POMK: variants seen among roughly 807,000 people sequenced by gnomAD.
POMK encodes the protein protein O-mannose kinase.
A neutral mutation model predicts 23.0 loss-of-function variants in POMK; 19 were observed. The observed-to-expected ratio is 0.83, with a 90% CI of 0.58 to 1.21. The LOEUF (loss-of-function observed/expected upper bound fraction) is 1.21, where lower values mean the gene tolerates loss of function less well. Among genes scored for constraint, POMK ranks in the 50% most tolerant of loss-of-function variants. POMK has a pLI of 0.00. For synonymous variants in POMK, 173 were observed against 171.6 expected, an observed-to-expected ratio of 1.01 and a Z score of -0.06; for missense variants, 410 against 431.3, an observed-to-expected ratio of 0.95 and a Z score of 0.44.
chr8:43,115,264 C>A (rs1177481489), intron 4 of POMK, among the ~76,000 whole-genome samples: 1 of 152,164 alleles, frequency 6.6e-6, no homozygotes, highest in East Asian at 1.9e-4. Flanking sequence ...CTCTCGTCTT[C>A]TGTGCTTGTA....
Position 43,122,442 on chromosome 8 carries a change from C to T in POMK, c.618C>T (p.Asn206=), listed in dbSNP as rs7005111. 383 of 1,614,160 alleles carry T rather than the reference C, an allele frequency of 2.4e-4. No homozygotes were observed. The African/African-American group carries it at 4.1e-3, about 17-fold the overall frequency. ...PVGTRVMCDS[N]DLPKTLSQYL... ...GCACACGGGTCATGTGCGACTCCAA[C>T]GACCTGCCGAAGACACTGTCCCAGT... Residue 206 remains asparagine, a synonymous_variant, in exon 5 of 5, where the codon AAC becomes AAT. Transcript: ENST00000331373.
intron 4 of POMK, among the ~76,000 whole-genome samples, chr8:43,106,544 C>G (rs1159282992): frequency 7.7e-6 from 1 of 130,488 alleles, no homozygotes; most frequent in African/African-American, 2.9e-5. Flanking sequence ...GAGTCTTGCT[C>G]TATCGCCCAG....
At position 43,122,113 on chromosome 8, in the gene POMK, C is replaced by T; in HGVS notation, c.289C>T (p.Leu97=). ...VGEGAVKRVF[L]SEWKEHKVAL... Reference sequence around the variant, plus strand: ...CTCTATGGCTTTGTTGCAGGTCTTTCTGTCTGAGTGGAAGGAGCACAAAGT... The same window carrying T: ...CTCTATGGCTTTGTTGCAGGTCTTTTTGTCTGAGTGGAAGGAGCACAAAGT... Residue 97 remains leucine (L), a synonymous_variant, in exon 5 of 5, where the codon CTG becomes TTG. Transcript: ENST00000331373. 1.9e-6 allele frequency: 3 copies of T among 1,613,726 alleles called. No individual in the cohort carries two copies. In the South Asian group the frequency reaches 3.3e-5, roughly 18 times the overall value.
chr8:43,117,609 A>ATT (rs1452113566), intron 4 of POMK, among the ~76,000 whole-genome samples: 1 of 152,226 alleles, frequency 6.6e-6, no homozygotes, highest in Non-Finnish European at 1.5e-5. Context: ...AGACAACCCT[A>ATT]TAGAAAATTG....
chr8:43,113,430 T>C (rs1036979436), intron 4 of POMK, among the ~76,000 whole-genome samples: 2 of 152,244 alleles, frequency 1.3e-5, no homozygotes, highest in Non-Finnish European at 2.9e-5. Context: ...TCACTCTTCA[T>C]GTAGTTCTCG....
intron 4 of POMK, among the ~76,000 whole-genome samples, chr8:43,119,433 CT>C (rs907663234): frequency 0.036 from 3,452 of 96,106 alleles, 27 homozygotes; most frequent in African/African-American, 0.087. Flanking sequence ...TGAAAAACAG[CT>C]TTTTTTTTTT....
intron 4 of POMK, among the ~76,000 whole-genome samples, chr8:43,111,120 G>A (rs551995072): frequency 1.6e-4 from 25 of 152,180 alleles, no homozygotes; most frequent in African/African-American, 2.7e-4. Context: ...GAAGCAGGGC[G>A]AGGCATTGCC....
chr8:43,103,338 A>G (rs535890788), intron 3 of POMK, among the ~76,000 whole-genome samples, 190 bp from the exon 4 acceptor site: 1 of 152,344 alleles, frequency 6.6e-6, no homozygotes, highest in South Asian at 2.1e-4. Context: ...TGTAATAAAA[A>G]GTAATGATTA....
intron 4 of POMK, among the ~76,000 whole-genome samples, chr8:43,107,829 C>T (rs568358910): frequency 1.1e-4 from 17 of 152,154 alleles, no homozygotes; most frequent in South Asian, 2.1e-4. Flanking sequence ...TATAGGTGCA[C>T]GTCGCCATGC....
chr8:43,105,209 G>A (rs1181887973), intron 4 of POMK, among the ~76,000 whole-genome samples: 1 of 152,068 alleles, frequency 6.6e-6, no homozygotes, highest in Non-Finnish European at 1.5e-5. Flanking sequence ...CTTCTCTTCT[G>A]GCTATTTGAG....
chr8:43,096,998 C>G (rs1323078754), intron 1 of POMK, among the ~76,000 whole-genome samples: 2 of 152,180 alleles, frequency 1.3e-5, no homozygotes, highest in Admixed American at 6.5e-5. Flanking sequence ...TCCCTGTAGT[C>G]AGTCCCAGCT....
At chr8:43,109,749 G>A (rs1161758313) in intron 4 of POMK, among the ~76,000 whole-genome samples, 1 of 151,656 alleles carries the variant, frequency 6.6e-6, no homozygotes, top group Non-Finnish European at 1.5e-5. Flanking sequence ...CACTATGTTG[G>A]CCAGGCTGGT....
In POMK at chr8:43,106,951, A is replaced by G. The variant is rs146417834; in HGVS notation, c.282+3121A>G. Among the ~76,000 whole-genome samples, 383 of 152,292 alleles carry G rather than the reference A, an allele frequency of 2.5e-3. 2 individuals carry two copies. The highest frequency in any genetic ancestry group is 0.011 in the South Asian group (53 of 4,824). ...GGGGGCATAGTTGGGGTCGGAGTTG[A>G]CCCTAAGGTGAGAGGAGTAGAACTG... On this transcript the variant is annotated intron_variant, in intron 4 of 4. Coordinates refer to ENST00000331373, the MANE Select transcript of POMK (RefSeq NM_032237.5).
In POMK at chr8:43,110,920, T is replaced by TA. The variant is rs932495819; in HGVS notation, c.282+7101dup. On this transcript the variant is annotated intron_variant, in intron 4 of 4. Transcript: ENST00000331373. ...GGGGTACAAGAGTGAGCCTCCGTCT[T>TA]AAAAAAAAAAAGTCTTGGGGGTGAA... Among the ~76,000 whole-genome samples the TA allele has an allele frequency of 3.8e-3, 553 of 144,004 alleles. 4 individuals are homozygous for TA. Among genetic ancestry groups the TA allele is most frequent in the African/African-American group, 0.013 (507 of 39,392 alleles). 94.5% of individuals were successfully genotyped at this position (144,004 alleles called of 152,430 possible). A position where few individuals can be genotyped will look rare whatever the true frequency, so the allele number is the denominator to read the frequency against.
intron 2 of POMK, among the ~76,000 whole-genome samples, chr8:43,102,129 TTTA>T (rs1418346655): frequency 6.6e-6 from 1 of 152,210 alleles, no homozygotes. Flanking sequence ...TGTTTACTTG[TTTA>T]TTGTCTGTCT....
At position 43,122,573 on chromosome 8, in the gene POMK, A is replaced by G. The variant is rs769693529; in HGVS notation, c.749A>G (p.His250Arg). 1.9e-6 allele frequency: 3 copies of G among 1,614,198 alleles called. No homozygotes were observed. The Admixed American group carries it at 5.0e-5, about 27-fold the overall frequency. ...MLVKCGHREL[H>R]GDFVAPEQLW... ...GTGAAGTGCGGCCACAGGGAGCTGC[A>G]TGGGGATTTCGTGGCTCCAGAGCAA... Residue 250 changes from histidine (H) to arginine (R), a missense_variant, in exon 5 of 5, where the codon CAT becomes CGT. Coordinates refer to ENST00000331373, the MANE Select transcript of POMK (RefSeq NM_032237.5).
chr8:43,101,417 CA>C (rs1156411465), intron 2 of POMK, among the ~76,000 whole-genome samples: 3,094 of 57,542 alleles, frequency 0.054, 22 homozygotes, highest in African/African-American at 0.074. Context: ...GACCCTATGT[CA>C]AAAAAAAAAA....
intron 4 of POMK, among the ~76,000 whole-genome samples, chr8:43,107,806 G>A (rs982697832): frequency 6.6e-6 from 1 of 151,960 alleles, no homozygotes; most frequent in Non-Finnish European, 1.5e-5. Context: ...TCAGCCTCTC[G>A]AGTAGCTGGG....
intron 4 of POMK, among the ~76,000 whole-genome samples, chr8:43,118,868 A>G (rs1162540311): frequency 1.3e-5 from 2 of 152,098 alleles, no homozygotes; most frequent in African/African-American, 4.8e-5. Context: ...CAGTGGCCTG[A>G]TCTCGGCTAA....
Sources: gnomAD v4.1 joint callset for allele counts (sites outside exome capture counted in the v4.1 genomes callset) on GRCh38, gnomAD v4.1.1 for gene constraint, MANE v1.5 for transcripts, NCBI Gene and HGNC (gene_info 2026-07-23, HGNC 2026-07-21) for gene names.